HDAC9: variants seen among roughly 807,000 people sequenced by gnomAD.
The protein encoded by HDAC9 is MEF-2 interacting transcription repressor (MITR) protein.
A neutral mutation model predicts 139.4 loss-of-function variants in HDAC9; 41 were observed. The observed-to-expected ratio is 0.29, with a 90% CI of 0.23 to 0.38. The LOEUF (loss-of-function observed/expected upper bound fraction) is 0.38, where lower values mean the gene tolerates loss of function less well. Among genes scored for constraint, HDAC9 ranks in the 10% least tolerant of loss-of-function variants. The probability of loss-of-function intolerance (pLI) is 1.00; values close to 1 mark genes in which losing one functional copy is unlikely to be tolerated. For synonymous variants in HDAC9, 517 were observed against 476.2 expected (o/e 1.09, Z -1.12); for missense variants, 1,147 against 1,297.0 (o/e 0.88, Z 1.78).
chr7:18,568,929 A>C (rs988098007), intron 2 of HDAC9, among the ~76,000 whole-genome samples: 11 of 151,916 alleles, frequency 7.2e-5, no homozygotes, highest in Non-Finnish European at 1.3e-4. Context: ...TACCTGTAAT[A>C]CCAGCTACTC....
rs146884265 is a variant in HDAC9, at chr7:18,918,333, T to TG, written c.2804-17469dup. On this transcript the variant is annotated intron_variant, in intron 22 of 25. Coordinates refer to ENST00000686413, the MANE Select transcript of HDAC9 (RefSeq NM_178425.4). Reference sequence around the variant, plus strand: ...AGGTAGAGGAGCTGGCAGCTTGACATGGGGGGGATGGAGGGGAAAGGGGGA... The same window carrying TG: ...AGGTAGAGGAGCTGGCAGCTTGACATGGGGGGGGATGGAGGGGAAAGGGGGA... Among the ~76,000 whole-genome samples the TG allele has an allele frequency of 9.6e-3, 1,405 of 145,926 alleles. 32 individuals carry two copies. Among genetic ancestry groups the TG allele is most frequent in the African/African-American group, 0.034 (1,339 of 39,138 alleles).
intron 1 of HDAC9, among the ~76,000 whole-genome samples, chr7:18,454,597 CATT>C (rs1793175554): frequency 6.6e-6 from 1 of 151,936 alleles, no homozygotes; most frequent in Non-Finnish European, 1.5e-5. Flanking sequence ...AAACATACAT[CATT>C]ATAAGGTAAA....
intron 1 of HDAC9, among the ~76,000 whole-genome samples, chr7:18,121,190 G>A (rs536825939): frequency 6.6e-6 from 1 of 152,284 alleles, no homozygotes; most frequent in East Asian, 1.9e-4. Context: ...TTATGAGTGG[G>A]AAGTGTGGTT....
intron 25 of HDAC9, among the ~76,000 whole-genome samples, chr7:18,990,511 G>T (rs1296142635): frequency 2.0e-5 from 3 of 152,234 alleles, no homozygotes; most frequent in Admixed American, 6.5e-5. Flanking sequence ...GTTTGTCTGT[G>T]CCCTGCCCCC....
intron 2 of HDAC9, among the ~76,000 whole-genome samples, chr7:18,251,554 G>A (rs183018749): frequency 3.0e-4 from 46 of 152,244 alleles, no homozygotes; most frequent in African/African-American, 9.9e-4. Context: ...AAAAATTCTA[G>A]GGTGGACTTT....
intron 10 of HDAC9, 40 bp from the exon 11 acceptor site, chr7:18,648,426 G>A: frequency 2.2e-6 from 3 of 1,335,218 alleles, no homozygotes; most frequent in Non-Finnish European, 3.2e-6. Flanking sequence ...GTGTGTGTGT[G>A]TGTGTGTATA....
intron 1 of HDAC9, among the ~76,000 whole-genome samples, chr7:18,300,128 C>T (rs976187291): frequency 6.6e-6 from 1 of 152,084 alleles, no homozygotes; most frequent in Non-Finnish European, 1.5e-5. Context: ...CCCAGGGTGG[C>T]TTTGAATGCA....
chr7:18,449,589 C>T (rs1792608927), intron 1 of HDAC9, among the ~76,000 whole-genome samples: 2 of 151,894 alleles, frequency 1.3e-5, no homozygotes, highest in South Asian at 4.2e-4. Flanking sequence ...TATGGTTTGC[C>T]CGCTTTTCAG....
chr7:18,215,434 A>G (rs1366015459), intron 2 of HDAC9, among the ~76,000 whole-genome samples: 1 of 152,166 alleles, frequency 6.6e-6, no homozygotes, highest in Non-Finnish European at 1.5e-5. Context: ...GTGTTCAAGA[A>G]AAGAACATGA....
At chr7:18,463,282 C>T (rs1044109611) in intron 1 of HDAC9, among the ~76,000 whole-genome samples, 9 of 151,888 alleles carry the variant, frequency 5.9e-5, no homozygotes, top group Non-Finnish European at 1.3e-4. Context: ...TCAGTATTTT[C>T]TCTTTTCTGG....
rs1221002639 is a variant in HDAC9 at position 18,999,176 on chromosome 7, A to T, written c.*3114A>T. On this transcript the variant is annotated 3_prime_UTR_variant, in exon 26 of 26. Transcript: ENST00000686413. Reference sequence around the variant, plus strand: ...CACATTTCCATTACCAATCCTGGGGATGGAAATATTGCCTTCAGTTTTTAC... The same window carrying T: ...CACATTTCCATTACCAATCCTGGGGTTGGAAATATTGCCTTCAGTTTTTAC... 1 of 152,174 alleles carries T rather than the reference A, an allele frequency of 6.6e-6. No individual in the cohort carries two copies. Among genetic ancestry groups the T allele is most frequent in the African/African-American group, 2.4e-5 (1 of 41,450 alleles). 9.4% of individuals were successfully genotyped at this position (152,174 alleles called of 1,614,324 possible).
At chr7:18,397,962 C>T (rs566349758) in intron 1 of HDAC9, among the ~76,000 whole-genome samples, 2 of 152,252 alleles carry the variant, frequency 1.3e-5, no homozygotes, top group East Asian at 3.9e-4. Context: ...CTGGCAAGAT[C>T]CTGACCCTCA....
intron 2 of HDAC9, among the ~76,000 whole-genome samples, chr7:18,257,649 A>T (rs565873896): frequency 6.6e-6 from 1 of 152,014 alleles, no homozygotes; most frequent in Non-Finnish European, 1.5e-5. Context: ...AAAGAGCACA[A>T]CCCTTCCTAA....
chr7:18,275,891 G>T (rs1253244385), intron 2 of HDAC9, among the ~76,000 whole-genome samples: 1 of 151,902 alleles, frequency 6.6e-6, no homozygotes, highest in Non-Finnish European at 1.5e-5. Flanking sequence ...ACTCTTTATT[G>T]TCTGCTTCCC....
intron 1 of HDAC9, chr7:18,458,970 C>A: frequency 8.8e-7 from 1 of 1,129,962 alleles, no homozygotes; most frequent in Non-Finnish European, 1.3e-6. Context: ...GGGTGACTTC[C>A]TTTTCCAGGC....
chr7:18,909,994 G>A (rs1420737871), intron 22 of HDAC9, among the ~76,000 whole-genome samples: 1 of 150,932 alleles, frequency 6.6e-6, no homozygotes, highest in African/African-American at 2.4e-5. Flanking sequence ...TTTTTTATTT[G>A]TGCAGAGAAT....
chr7:18,484,674 A>G (rs17139273), intron 1 of HDAC9, among the ~76,000 whole-genome samples: 4,859 of 152,220 alleles, frequency 0.032, 249 homozygotes, highest in African/African-American at 0.11. Context: ...AAGTCAACAC[A>G]TAATTATTCC....
intron 22 of HDAC9, among the ~76,000 whole-genome samples, chr7:18,933,346 C>A (rs1804949944): frequency 6.6e-6 from 1 of 151,870 alleles, no homozygotes; most frequent in African/African-American, 2.4e-5. Context: ...GAGGACTCTA[C>A]CTAATCTGGA....
chr7:18,675,406 G>T (rs1286671502), intron 12 of HDAC9, among the ~76,000 whole-genome samples: 5 of 151,984 alleles, frequency 3.3e-5, no homozygotes, highest in African/African-American at 1.2e-4. Context: ...ATGTGGTCAG[G>T]AATTCTAAAT....
Sources: gnomAD v4.1 joint callset for allele counts (sites outside exome capture counted in the v4.1 genomes callset) on GRCh38, gnomAD v4.1.1 for gene constraint, MANE v1.5 for transcripts, NCBI Gene and HGNC (gene_info 2026-07-23, HGNC 2026-07-21) for gene names.